STK38L: variants seen among roughly 807,000 people sequenced by gnomAD.
The protein encoded by STK38L is serine/threonine kinase 38 like.
STK38L carries 28 observed loss-of-function variants against 59.7 expected under a neutral mutation model. The ratio of observed to expected loss-of-function variants is 0.47; its 90% confidence interval spans 0.35 to 0.64. The LOEUF is 0.64. Ranked by LOEUF, STK38L falls within the 30% of genes least tolerant of loss-of-function variation. The pLI is 0.01. For synonymous variants in STK38L, 162 were observed against 176.8 expected, an observed-to-expected ratio of 0.92 and a Z score of 0.66; for missense variants, 314 against 555.8, an observed-to-expected ratio of 0.56 and a Z score of 4.37.
In STK38L at chr12:27,317,395, T is replaced by G; in HGVS notation, c.897T>G (p.Gly299=). 1 of 1,613,448 alleles carries G rather than the reference T, an allele frequency of 6.2e-7. No individual in the cohort carries two copies. The highest frequency in any genetic ancestry group is 1.3e-5 in the African/African-American group (1 of 75,034). ...YIAPEVFMQT[G]YNKLCDWWSL... ...CTCCAGAAGTATTCATGCAGACTGG[T>G]TACAACAAATTGTGTGACTGGTGGT... is the stretch of plus-strand genomic sequence containing the variant. Residue 299 remains glycine (G), a synonymous_variant, in exon 10 of 14, where the codon GGT becomes GGG. Transcript: ENST00000389032.
chr12:27,296,563 T>C (rs2044774105), intron 1 of STK38L, among the ~76,000 whole-genome samples: 1 of 152,218 alleles, frequency 6.6e-6, no homozygotes, highest in East Asian at 1.9e-4. Context: ...CTCTGTATCT[T>C]CTTTACTTAA....
chr12:27,255,711 A>G (rs913767871), intron 1 of STK38L, among the ~76,000 whole-genome samples: 17 of 151,946 alleles, frequency 1.1e-4, no homozygotes, highest in African/African-American at 3.4e-4. Flanking sequence ...TTTGTCCCCA[A>G]TCCTCTTCTC....
chr12:27,274,717 A>G (rs183995015), intron 1 of STK38L, among the ~76,000 whole-genome samples: 3 of 152,370 alleles, frequency 2.0e-5, no homozygotes, highest in Non-Finnish European at 4.4e-5. Flanking sequence ...CTTGAAAGAC[A>G]GAGGGAGAAA....
Position 27,308,875 on chromosome 12 carries a change from AAT to A in STK38L, c.310-231_310-230del, listed in dbSNP as rs377185073. On this transcript the variant is annotated intron_variant, in intron 4 of 13. Coordinates refer to ENST00000389032, the MANE Select transcript of STK38L (RefSeq NM_015000.4). This position sits in a 1 kb window ranked among gnomAD's most constrained non-coding sequence, Gnocchi z 4.5. ...ATATAAAAAAATATATATAAATATA[AAT>A]ATATATAAATGTAAATATATAAATA... Among the ~76,000 whole-genome samples the A allele has an allele frequency of 0.031, 4,326 of 138,406 alleles. 91 individuals are homozygous for A. Among genetic ancestry groups the A allele is most frequent in the South Asian group, 0.095 (441 of 4,662 alleles). 90.8% of individuals were successfully genotyped at this position (138,406 alleles called of 152,430 possible).
chr12:27,322,286 G>A, intron 13 of STK38L, 42 bp from the exon 14 acceptor site: 1 of 1,613,030 alleles, frequency 6.2e-7, no homozygotes, highest in Non-Finnish European at 8.5e-7. Context: ...TGAAGATGAT[G>A]GCATTTCACT....
At chr12:27,262,463 G>A (rs1321019936) in intron 1 of STK38L, among the ~76,000 whole-genome samples, 4 of 151,916 alleles carry the variant, frequency 2.6e-5, no homozygotes, top group Non-Finnish European at 4.4e-5. Context: ...GTTAAAAATC[G>A]TAAAACATTA....
At chr12:27,278,018 G>A (rs966968195) in intron 1 of STK38L, among the ~76,000 whole-genome samples, 1 of 152,200 alleles carries the variant, frequency 6.6e-6, no homozygotes, top group African/African-American at 2.4e-5. Context: ...TATAAGGAGA[G>A]TAGGATCAGA....
intron 1 of STK38L, among the ~76,000 whole-genome samples, chr12:27,284,144 A>C (rs1445337627): frequency 6.6e-6 from 1 of 152,224 alleles, no homozygotes; most frequent in Non-Finnish European, 1.5e-5. Context: ...ACTTAGTGTT[A>C]GATATGGACA....
At chr12:27,315,658 ATTTCCATT>A (rs1459863928) in intron 9 of STK38L, among the ~76,000 whole-genome samples, 2 of 152,184 alleles carry the variant, frequency 1.3e-5, no homozygotes, top group Non-Finnish European at 2.9e-5. Flanking sequence ...ATGCCTTGTG[ATTTCCATT>A]TTTCCATTTT....
intron 1 of STK38L, among the ~76,000 whole-genome samples, chr12:27,269,215 AT>A (rs1336798020): frequency 6.6e-6 from 1 of 152,122 alleles, no homozygotes; most frequent in East Asian, 1.9e-4. Flanking sequence ...CCTGAATGGT[AT>A]TGCCTAGGTT....
At chr12:27,305,188 C>A (rs1290300195) in intron 3 of STK38L, among the ~76,000 whole-genome samples, 1 of 152,312 alleles carries the variant, frequency 6.6e-6, no homozygotes, top group East Asian at 1.9e-4. Flanking sequence ...GCAGAATAAC[C>A]AATCACCTGC....
At chr12:27,301,790 T>C (rs556701253) in intron 2 of STK38L, among the ~76,000 whole-genome samples, 5 of 152,324 alleles carry the variant, frequency 3.3e-5, no homozygotes, top group African/African-American at 9.6e-5. Context: ...TCTTTTTATA[T>C]TTCTAATATA....
intron 1 of STK38L, among the ~76,000 whole-genome samples, chr12:27,247,752 T>C (rs1423908523): frequency 6.6e-6 from 1 of 150,694 alleles, no homozygotes; most frequent in Non-Finnish European, 1.5e-5. Context: ...TCAGATGATC[T>C]TCTTGCCTCC....
At chr12:27,317,069 ACT>A (rs1220825092) in intron 9 of STK38L, among the ~76,000 whole-genome samples, 2 of 152,158 alleles carry the variant, frequency 1.3e-5, no homozygotes, top group Admixed American at 6.5e-5. Flanking sequence ...ACATATGGAC[ACT>A]CTATAAATAT....
intron 1 of STK38L, among the ~76,000 whole-genome samples, chr12:27,286,610 G>A (rs984408968): frequency 1.3e-5 from 2 of 151,690 alleles, no homozygotes; most frequent in East Asian, 1.9e-4. Flanking sequence ...GGTTTAAGTC[G>A]TTTGCTATTT....
chr12:27,258,245 A>T (rs1321251027), intron 1 of STK38L, among the ~76,000 whole-genome samples: 1 of 152,216 alleles, frequency 6.6e-6, no homozygotes, highest in African/African-American at 2.4e-5. Context: ...GGATTTCGTT[A>T]TATTGCCTAG....
chr12:27,312,581 G>C lies in STK38L; in HGVS notation c.426G>C (p.Leu142Phe). The change falls in exon 6 of 14, where the codon TTG becomes TTC. Residue 142 changes from leucine (L) to phenylalanine (F), a missense_variant. By Grantham distance (22) the Leu-to-Phe change is conservative. Around this residue, in one of 3 missense-constraint regions of STK38L, gnomAD observed 192 missense variants for 316.9 expected, o/e 0.61. Transcript: ENST00000389032. Reference sequence around the variant, plus strand: ...ATATCCGAGCAGAAAGAGATATTTTGGTAGAAGCAGATGGTGCCTGGGTGG... The same window carrying C: ...ATATCCGAGCAGAAAGAGATATTTTCGTAGAAGCAGATGGTGCCTGGGTGG... ...VAHIRAERDI[L>F]VEADGAWVVK... 1 of 1,613,926 alleles carries C rather than the reference G, an allele frequency of 6.2e-7. No individual in the cohort carries two copies. The highest frequency in any genetic ancestry group is 8.5e-7 in the Non-Finnish European group (1 of 1,179,964).
intron 1 of STK38L, among the ~76,000 whole-genome samples, chr12:27,285,756 G>A (rs1943758211): frequency 6.6e-6 from 1 of 152,174 alleles, no homozygotes. Context: ...CCTTAAAACA[G>A]GCAAGGAAAG....
At chr12:27,271,182 A>C (rs1943415273) in intron 1 of STK38L, among the ~76,000 whole-genome samples, 1 of 152,238 alleles carries the variant, frequency 6.6e-6, no homozygotes, top group Non-Finnish European at 1.5e-5. Flanking sequence ...CAGGAATGGA[A>C]TTAGGGATTC....
Sources: allele counts gnomAD v4.1 joint callset (sites outside exome capture counted in the v4.1 genomes callset), GRCh38; gene constraint gnomAD v4.1.1; regional missense constraint gnomAD v4.1.1; non-coding constraint Gnocchi (gnomAD v3.1); transcripts MANE v1.5; gene names NCBI Gene and HGNC (gene_info 2026-07-23, HGNC 2026-07-21).